Variants in ARID3A observed in about 807,000 individuals in gnomAD.
The protein encoded by ARID3A is AT-rich interaction domain 3A.
ARID3A carries 11 observed loss-of-function variants against 52.7 expected under a neutral mutation model. That is an observed-to-expected ratio of 0.21 (90% CI 0.13 to 0.35). The LOEUF is 0.35. ARID3A is among the 10% of genes least tolerant of loss of function. The probability of loss-of-function intolerance (pLI) is 1.00; values close to 1 mark genes in which losing one functional copy is unlikely to be tolerated. For synonymous variants in ARID3A, 404 were observed against 359.4 expected, an observed-to-expected ratio of 1.12 and a Z score of -1.40; for missense variants, 721 against 838.5, an observed-to-expected ratio of 0.86 and a Z score of 1.73.
chr19:967,432 T>G (rs769095355), intron 7 of ARID3A, among the ~76,000 whole-genome samples: 14 of 150,502 alleles, frequency 9.3e-5, no homozygotes, highest in Non-Finnish European at 1.6e-4. Context: ...GGTGACACGC[T>G]CCTGTAGCCC....
At chr19:927,621 A>G (rs1225211690) in intron 1 of ARID3A, among the ~76,000 whole-genome samples, 1 of 115,070 alleles carries the variant, frequency 8.7e-6, no homozygotes, top group Non-Finnish European at 1.7e-5. Context: ...AAGTTGTCCC[A>G]GGTGGGGGAG....
At chr19:946,505 G>T (rs1264379946) in intron 3 of ARID3A, among the ~76,000 whole-genome samples, 1 of 134,546 alleles carries the variant, frequency 7.4e-6, no homozygotes, top group East Asian at 2.1e-4. Context: ...CGGTGTCGCG[G>T]TCTTGGCTCA....
chr19:953,583 G>C (rs1009002789), intron 3 of ARID3A, among the ~76,000 whole-genome samples: 1 of 152,140 alleles, frequency 6.6e-6, no homozygotes, highest in African/African-American at 2.4e-5. Context: ...AACGGGGCTC[G>C]GGCGTGCAAC....
At chr19:935,048 G>C (rs375299015) in intron 3 of ARID3A, among the ~76,000 whole-genome samples, 1 of 152,174 alleles carries the variant, frequency 6.6e-6, no homozygotes, top group Admixed American at 6.5e-5. Flanking sequence ...CCTCCCGCCC[G>C]GCCCCTACTG....
In ARID3A at chr19:960,660, C is replaced by T. The variant is rs145204285; in HGVS notation, c.766+496C>T. 3.9e-3 allele frequency among the ~76,000 whole-genome samples: 599 copies of T among 152,214 alleles called. 4 individuals are homozygous for T. The highest frequency in any genetic ancestry group is 0.024 in the Middle Eastern group (7 of 294). On this transcript the variant is annotated intron_variant, in intron 4 of 8. Transcript: ENST00000263620. This position sits in a 1 kb window ranked among gnomAD's most constrained non-coding sequence, Gnocchi z 4.3. Reference sequence around the variant, plus strand: ...TGCGACATTTGAGTCCTGGCCCCTCCCCTCTTCCCACCAGGGCCTCAGTTT... The same window carrying T: ...TGCGACATTTGAGTCCTGGCCCCTCTCCTCTTCCCACCAGGGCCTCAGTTT...
chr19:946,590 G>A lies in ARID3A; in HGVS notation c.694-13502G>A, dbSNP rs867027218. ...CGAGTAGCTGGGACTACAGGCGCCC[G>A]CCACCATGCCCGGCTAATTTTTGTA... is the stretch of plus-strand genomic sequence containing the variant. On this transcript the variant is annotated intron_variant, in intron 3 of 8. Transcript: ENST00000263620. 1.1e-3 allele frequency among the ~76,000 whole-genome samples: 163 copies of A among 150,644 alleles called. 1 individual carries two copies. Among genetic ancestry groups the A allele is most frequent in the African/African-American group, 3.7e-3 (151 of 40,886 alleles).
chr19:930,474 C>T (rs868597844), intron 2 of ARID3A, among the ~76,000 whole-genome samples: 8 of 148,738 alleles, frequency 5.4e-5, no homozygotes, highest in Middle Eastern at 7.2e-3. Context: ...ATGGCTTGAA[C>T]CTGGGAGGTG....
intron 3 of ARID3A, among the ~76,000 whole-genome samples, chr19:953,016 C>A (rs963828787): frequency 2.0e-5 from 3 of 152,118 alleles, no homozygotes; most frequent in Admixed American, 2.0e-4. Context: ...TCTGTCCTGG[C>A]CAACCCTTTC....
At position 947,774 on chromosome 19, in the gene ARID3A, T is replaced by C. The variant is rs1431851050; in HGVS notation, c.694-12318T>C. Among the ~76,000 whole-genome samples, 1 of 152,210 alleles carries C rather than the reference T, an allele frequency of 6.6e-6. No homozygotes were observed. Among genetic ancestry groups the C allele is most frequent in the Non-Finnish European group, 1.5e-5 (1 of 68,022 alleles). On this transcript the variant is annotated intron_variant, in intron 3 of 8. Coordinates refer to ENST00000263620, the MANE Select transcript of ARID3A (RefSeq NM_005224.3). The surrounding 1 kb of genome is among the most constrained non-coding windows in gnomAD (Gnocchi z 6.3). ...CGCCCCGTGGGTGCGGCGCTGTGTA[T>C]TTCCAGAGAGGGGACTCGGGGCCCA...
At chr19:937,665 GT>G (rs1337049256) in intron 3 of ARID3A, among the ~76,000 whole-genome samples, 1 of 144,756 alleles carries the variant, frequency 6.9e-6, no homozygotes, top group African/African-American at 2.6e-5. Context: ...GTGGGTTCCA[GT>G]TCCTCTACAT....
intron 3 of ARID3A, among the ~76,000 whole-genome samples, chr19:951,667 G>T (rs1455987398): frequency 6.6e-6 from 1 of 152,206 alleles, no homozygotes; most frequent in Non-Finnish European, 1.5e-5. Flanking sequence ...CTTCAGCCCC[G>T]CTGGGTGCGT....
chr19:936,809 C>G (rs1386956360), intron 3 of ARID3A, among the ~76,000 whole-genome samples: 1 of 152,126 alleles, frequency 6.6e-6, no homozygotes, highest in East Asian at 1.9e-4. Flanking sequence ...CCACTGCACT[C>G]CAGCCTGTGT....
rs754487740 is a variant in ARID3A at position 932,543 on chromosome 19, C to T, written c.494C>T (p.Ala165Val). The T allele has an allele frequency of 1.3e-6, 2 of 1,512,570 alleles. No homozygotes were observed. Among genetic ancestry groups the T allele is most frequent in the Non-Finnish European group, 8.8e-7 (1 of 1,134,440 alleles). 93.7% of individuals were successfully genotyped at this position (1,512,570 alleles called of 1,614,324 possible). The change falls in exon 3 of 9, where the codon GCC becomes GTC. Residue 165 changes from alanine (A) to valine (V), a missense_variant. By Grantham distance (64) the Ala-to-Val change is moderately conservative. This residue lies in a region of ARID3A where 349 missense variants were observed against 297.3 expected (regional missense o/e 1.17). Transcript: ENST00000263620. ...GAGGGGCTGGGCCCCCCAGGCCCTG[C>T]CAGCTTGGGCACCACGGCACTGTTC... Reference protein sequence around the residue: ...DEEGLGPPGPASLGTTALFPR... With the variant: ...DEEGLGPPGPVSLGTTALFPR...
Position 960,246 on chromosome 19 carries a change from C to A in ARID3A, c.766+82C>A. The A allele has an allele frequency of 7.4e-7, 1 of 1,354,628 alleles. No individual in the cohort carries two copies. The highest frequency in any genetic ancestry group is 1.0e-6 in the Non-Finnish European group (1 of 984,400). The allele number at this position is 1,354,628 out of a possible 1,614,324, so 83.9% of individuals were successfully genotyped here. A position where few individuals can be genotyped will look rare whatever the true frequency, so the allele number is the denominator to read the frequency against. ...GGGGCCCTACTGGCTCCAGGTATGTCGGGGCGGTGGTGAGCACCCCGTGGC... is the reference window on the plus strand; with the variant it reads ...GGGGCCCTACTGGCTCCAGGTATGTAGGGGCGGTGGTGAGCACCCCGTGGC... On this transcript the variant is annotated intron_variant, in intron 4 of 8. Coordinates refer to ENST00000263620, the MANE Select transcript of ARID3A (RefSeq NM_005224.3). The surrounding 1 kb of genome is among the most constrained non-coding windows in gnomAD (Gnocchi z 4.3).
chr19:956,704 C>G (rs969319274), intron 3 of ARID3A: 5 of 152,680 alleles, frequency 3.3e-5, no homozygotes, highest in Middle Eastern at 3.1e-3. Context: ...CTCGGGCAGC[C>G]TCGACCACCC....
chr19:963,496 C>T (rs1225446999), intron 4 of ARID3A, among the ~76,000 whole-genome samples: 2 of 152,176 alleles, frequency 1.3e-5, no homozygotes, highest in East Asian at 1.9e-4. Flanking sequence ...GCTCCTGGTG[C>T]AGGGGCAGCC....
intron 1 of ARID3A, 85 bp downstream of exon 1, chr19:926,144 G>A (rs911230859): frequency 2.7e-5 from 4 of 150,738 alleles, no homozygotes; most frequent in African/African-American, 7.3e-5. Context: ...GGCGGGCCCG[G>A]GCAGGCCGAC....
At position 973,008 on chromosome 19, in the gene ARID3A, AG is replaced by A. The variant is rs2038312177; in HGVS notation, c.*947del. The A allele has an allele frequency of 1.0e-5, 2 of 199,044 alleles. No homozygotes were observed. Among genetic ancestry groups the A allele is most frequent in the Non-Finnish European group, 2.1e-5 (2 of 97,146 alleles). The allele number at this position is 199,044 out of a possible 1,614,324, so 12.3% of individuals were successfully genotyped here. Reference sequence around the variant, plus strand: ...GGTGCATGCTGGGGTCCCACCGGCCAGGGGCCCCTGACAGTGAATTGCTGAC... The same window carrying A: ...GGTGCATGCTGGGGTCCCACCGGCCAGGGCCCCTGACAGTGAATTGCTGAC... On this transcript the variant is annotated 3_prime_UTR_variant, in exon 9 of 9. Transcript: ENST00000263620.
intron 3 of ARID3A, among the ~76,000 whole-genome samples, chr19:952,596 T>A (rs1275186850): frequency 6.6e-6 from 1 of 152,100 alleles, no homozygotes; most frequent in African/African-American, 2.4e-5. Flanking sequence ...ACACTTGGAT[T>A]CTTTCTTGGA....
Sources: gnomAD v4.1 joint callset for allele counts (sites outside exome capture counted in the v4.1 genomes callset) on GRCh38, gnomAD v4.1.1 for gene constraint, gnomAD v4.1.1 regional missense constraint, Gnocchi (gnomAD v3.1) non-coding constraint, MANE v1.5 for transcripts, NCBI Gene and HGNC (gene_info 2026-07-23, HGNC 2026-07-21) for gene names.